Variants in MAMLD1 observed in about 807,000 individuals in gnomAD.
MAMLD1 encodes mastermind like domain containing 1.
In MAMLD1, 14 loss-of-function variants were observed where a neutral mutation model predicts 45.0. The ratio of observed to expected loss-of-function variants is 0.31; its 90% CI spans 0.21 to 0.49. The LOEUF (loss-of-function observed/expected upper bound fraction) is 0.49. Among genes scored for constraint, MAMLD1 ranks in the 20% least tolerant of loss-of-function variants. The pLI, the probability that MAMLD1 is intolerant of heterozygous loss-of-function variation, is 0.99. For synonymous variants in MAMLD1, 254 were observed against 247.8 expected (o/e 1.02, Z -0.24); for missense variants, 543 against 603.6 (o/e 0.90, Z 1.05).
chrX:150,487,280 A>G (rs1359248279), intron 5 of MAMLD1, among the ~76,000 whole-genome samples: 1 of 112,228 alleles, frequency 8.9e-6, no homozygotes, highest in Non-Finnish European at 1.9e-5. Flanking sequence ...ACCCAACTCT[A>G]CTGTGTGAAC....
At position 150,512,653 on chromosome X, in the gene MAMLD1, G is replaced by A. The variant is rs782122059; in HGVS notation, c.*694G>A. ...GGCAGAGCCCGGTACAGGGCCCGGT[G>A]CCTGTAGCAAACACCACCAAGTTCC... On this transcript the variant is annotated 3_prime_UTR_variant, in exon 8 of 8. Transcript: ENST00000370401. The A allele has an allele frequency of 5.7e-5, 66 of 1,148,212 alleles. No individual in the cohort carries two copies. In the South Asian group the frequency reaches 1.3e-3, roughly 22 times the overall value. 94.6% of individuals were successfully genotyped at this position (1,148,212 alleles called of 1,213,427 possible).
At chrX:150,383,156 G>A (rs1557401928) in intron 1 of MAMLD1, among the ~76,000 whole-genome samples, 1 of 30,813 alleles carries the variant, frequency 3.2e-5, no homozygotes. Context: ...CGCCCGCCTC[G>A]GCCTCCCAAA....
chrX:150,408,601 T>A (rs1305617847), intron 1 of MAMLD1, among the ~76,000 whole-genome samples: 1 of 112,399 alleles, frequency 8.9e-6, no homozygotes, highest in Non-Finnish European at 1.9e-5. Context: ...CAGAGAGTGT[T>A]GCAAAGGCAC....
chrX:150,373,899 T>C (rs2032170203), intron 1 of MAMLD1, among the ~76,000 whole-genome samples: 1 of 111,754 alleles, frequency 8.9e-6, no homozygotes, highest in African/African-American at 3.3e-5. Context: ...AGGGAAGCCC[T>C]CTAATCCACA....
At chrX:150,447,598 G>T (rs933049991) in intron 2 of MAMLD1, among the ~76,000 whole-genome samples, 3 of 111,416 alleles carry the variant, frequency 2.7e-5, no homozygotes, top group Non-Finnish European at 5.7e-5. Context: ...CAGCATCTGG[G>T]TGCTTGTGAA....
chrX:150,450,704 G>A (rs1432750357), intron 2 of MAMLD1, among the ~76,000 whole-genome samples: 1 of 111,304 alleles, frequency 9.0e-6, no homozygotes, highest in Non-Finnish European at 1.9e-5. Flanking sequence ...TCAGAGGTTG[G>A]CATTGGCTCA....
intron 1 of MAMLD1, among the ~76,000 whole-genome samples, chrX:150,375,041 G>C (rs1412084601): frequency 9.1e-6 from 1 of 110,380 alleles, no homozygotes; most frequent in Non-Finnish European, 1.9e-5. Flanking sequence ...TGTGTGGGGG[G>C]TCTGCTTAGG....
chrX:150,386,483 G>A (rs1173700560), intron 1 of MAMLD1, among the ~76,000 whole-genome samples: 1 of 111,455 alleles, frequency 9.0e-6, no homozygotes, highest in Non-Finnish European at 1.9e-5. Context: ...TGGGTGGCCA[G>A]GAGCATTGTC....
At chrX:150,377,936 A>G (rs1411306225) in intron 1 of MAMLD1, among the ~76,000 whole-genome samples, 1 of 110,639 alleles carries the variant, frequency 9.0e-6, no homozygotes, top group Non-Finnish European at 1.9e-5. Context: ...TATATTTCCT[A>G]ACATTTCCTA....
chrX:150,505,024 G>A lies in MAMLD1; in HGVS notation c.2284+1507G>A, dbSNP rs189423802. Reference sequence around the variant, plus strand: ...ATCTAAACCAAGTTCTTCCCAGACCGGCCAAGACTGAGGAGGAGTCAGAAT... The same window carrying A: ...ATCTAAACCAAGTTCTTCCCAGACCAGCCAAGACTGAGGAGGAGTCAGAAT... On this transcript the variant is annotated intron_variant, in intron 6 of 7. Coordinates refer to ENST00000370401, the MANE Select transcript of MAMLD1 (RefSeq NM_005491.5). The A allele has an allele frequency of 2.3e-4, 169 of 750,777 alleles. 2 individuals carry two copies. The African/African-American group carries it at 3.5e-3, about 16-fold the overall frequency. The allele number at this position is 750,777 out of a possible 1,213,427, so 61.9% of individuals were successfully genotyped here.
intron 2 of MAMLD1, among the ~76,000 whole-genome samples, chrX:150,460,766 G>T (rs1403980654): frequency 8.9e-6 from 1 of 112,230 alleles, no homozygotes; most frequent in Non-Finnish European, 1.9e-5. Context: ...GAAGCTGATT[G>T]TTTCTAGCTC....
chrX:150,445,305 G>T (rs781885788), intron 1 of MAMLD1, 149 bp from the exon 2 acceptor site: 2 of 423,252 alleles, frequency 4.7e-6, no homozygotes, highest in African/African-American at 5.0e-5. Flanking sequence ...GGGGGTGGGG[G>T]TGCTCAATGA....
chrX:150,512,145 G>A lies in MAMLD1; in HGVS notation c.*186G>A, dbSNP rs2037919342. 2.6e-6 allele frequency: 3 copies of A among 1,151,149 alleles called. No individual in the cohort carries two copies. Among genetic ancestry groups the A allele is most frequent in the Non-Finnish European group, 3.4e-6 (3 of 870,839 alleles). 94.9% of individuals were successfully genotyped at this position (1,151,149 alleles called of 1,213,427 possible). ...ATCCCACTCACCAGGCACCAGAGCT[G>A]CGAGGGCATGGGAGTGATCTCACCA... is the stretch of plus-strand genomic sequence containing the variant. On this transcript the variant is annotated 3_prime_UTR_variant, in exon 8 of 8. Transcript: ENST00000370401.
intron 6 of MAMLD1, chrX:150,504,191 G>A: frequency 6.6e-6 from 5 of 754,284 alleles, no homozygotes; most frequent in Non-Finnish European, 7.8e-6. Flanking sequence ...TGCCCCCAGA[G>A]TCGCATCAGT....
chrX:150,509,786 T>G, intron 6 of MAMLD1, 176 bp from the exon 7 acceptor site: 2 of 468,506 alleles, frequency 4.3e-6, no homozygotes, highest in Non-Finnish European at 7.7e-6. Context: ...CTTACTTTAT[T>G]TATACCTGTG....
At chrX:150,489,210 A>G (rs1557407802) in intron 5 of MAMLD1, among the ~76,000 whole-genome samples, 1 of 111,538 alleles carries the variant, frequency 9.0e-6, no homozygotes, top group African/African-American at 3.3e-5. Flanking sequence ...TCAGGCTGCT[A>G]TGACAAAATA....
chrX:150,398,271 A>AGAAGAG, intron 1 of MAMLD1, among the ~76,000 whole-genome samples: 1 of 47,508 alleles, frequency 2.1e-5, no homozygotes, highest in Non-Finnish European at 3.8e-5. Context: ...AAGAAGAAGA[A>AGAAGAG]GAAGAAGAAG....
chrX:150,366,506 T>C (rs1557400732), intron 1 of MAMLD1, among the ~76,000 whole-genome samples: 1 of 112,338 alleles, frequency 8.9e-6, no homozygotes, highest in Non-Finnish European at 1.9e-5. Context: ...ATGTGCGAGA[T>C]GGAACATATG....
At chrX:150,504,122 G>C (rs1304578038) in intron 6 of MAMLD1, 1 of 751,548 alleles carries the variant, frequency 1.3e-6, no homozygotes, top group African/African-American at 2.3e-5. Flanking sequence ...GCTTGTCCAA[G>C]AGGCCTGTGA....
Sources: allele counts gnomAD v4.1 joint callset (sites outside exome capture counted in the v4.1 genomes callset), GRCh38; gene constraint gnomAD v4.1.1; transcripts MANE v1.5; gene names NCBI Gene and HGNC (gene_info 2026-07-23, HGNC 2026-07-21).